Variants in GPATCH2 observed in about 807,000 individuals in gnomAD.
GPATCH2 encodes G-patch domain containing 2, also known as G patch domain-containing protein 2.
A neutral mutation model predicts 58.0 loss-of-function variants in GPATCH2; 51 were observed. The observed-to-expected ratio is 0.88, with a 90% CI of 0.70 to 1.11. The LOEUF (loss-of-function observed/expected upper bound fraction) is 1.11. Among genes scored for constraint, GPATCH2 ranks in the 50% most tolerant of loss-of-function variants. The probability of loss-of-function intolerance (pLI) is 0.00; values close to 1 mark genes in which losing one functional copy is unlikely to be tolerated. For missense variants in GPATCH2, 625 were observed against 652.2 expected, an observed-to-expected ratio of 0.96 and a Z score of 0.45; for synonymous variants, 222 against 218.5, an observed-to-expected ratio of 1.02 and a Z score of -0.14.
At chr1:217,476,588 A>G (rs1383447864) in intron 8 of GPATCH2, among the ~76,000 whole-genome samples, 1 of 152,030 alleles carries the variant, frequency 6.6e-6, no homozygotes, top group Non-Finnish European at 1.5e-5. Context: ...GAGCACAGCA[A>G]TTGTGAGGCA....
chr1:217,568,232 T>C (rs1300447442), intron 5 of GPATCH2, among the ~76,000 whole-genome samples: 3 of 152,074 alleles, frequency 2.0e-5, no homozygotes, highest in African/African-American at 7.2e-5. Flanking sequence ...TATGCAACCA[T>C]TAAAATGTAT....
At chr1:217,503,569 T>C (rs1476105215) in intron 6 of GPATCH2, among the ~76,000 whole-genome samples, 1 of 152,142 alleles carries the variant, frequency 6.6e-6, no homozygotes, top group East Asian at 1.9e-4. Context: ...TGAAAGTATA[T>C]TTGGATAAGT....
chr1:217,598,845 T>C (rs895901481), intron 5 of GPATCH2, among the ~76,000 whole-genome samples: 3 of 152,212 alleles, frequency 2.0e-5, no homozygotes, highest in African/African-American at 7.2e-5. Flanking sequence ...ACTCCCATCA[T>C]TGGGTAGACA....
At chr1:217,577,825 G>A (rs1473031699) in intron 5 of GPATCH2, among the ~76,000 whole-genome samples, 1 of 151,910 alleles carries the variant, frequency 6.6e-6, no homozygotes, top group Non-Finnish European at 1.5e-5. Flanking sequence ...TCAGCTCATC[G>A]CAACCTCCGC....
chr1:217,445,626 G>A (rs1372040477), intron 9 of GPATCH2, among the ~76,000 whole-genome samples: 2 of 151,904 alleles, frequency 1.3e-5, no homozygotes, highest in Non-Finnish European at 1.5e-5. Flanking sequence ...TTTGAATGAC[G>A]CAGAGAACAA....
chr1:217,614,774 C>CAAAAAA (rs11475032), intron 2 of GPATCH2, among the ~76,000 whole-genome samples: 1 of 92,052 alleles, frequency 1.1e-5, no homozygotes, highest in African/African-American at 3.8e-5. Context: ...CACTTTTAAG[C>CAAAAAA]AAAAAAAAAA....
chr1:217,444,383 T>C (rs114535668), intron 9 of GPATCH2, among the ~76,000 whole-genome samples: 2,220 of 152,264 alleles, frequency 0.015, 19 homozygotes, highest in Middle Eastern at 0.054. Flanking sequence ...CTCAGGGCCA[T>C]TTTGGTCTTG....
chr1:217,589,835 TACAA>T (rs971959518), intron 5 of GPATCH2, among the ~76,000 whole-genome samples: 2 of 152,124 alleles, frequency 1.3e-5, no homozygotes, highest in Non-Finnish European at 2.9e-5. Context: ...AGTCCACCAA[TACAA>T]ACAGACAGGG....
At chr1:217,546,641 T>C (rs1296639412) in intron 5 of GPATCH2, among the ~76,000 whole-genome samples, 2 of 152,068 alleles carry the variant, frequency 1.3e-5, no homozygotes, top group Non-Finnish European at 2.9e-5. Context: ...ACCCAAAACA[T>C]AAAAACTCTG....
chr1:217,489,037 C>T (rs1042170915), intron 8 of GPATCH2, among the ~76,000 whole-genome samples: 1 of 151,256 alleles, frequency 6.6e-6, no homozygotes, highest in Non-Finnish European at 1.5e-5. Flanking sequence ...GTGTATGATT[C>T]AATTGTCTAA....
chr1:217,475,888 C>G (rs1660944943), intron 8 of GPATCH2, among the ~76,000 whole-genome samples: 1 of 151,830 alleles, frequency 6.6e-6, no homozygotes, highest in Non-Finnish European at 1.5e-5. Flanking sequence ...AAATCCCACA[C>G]AGGGGATATA....
At chr1:217,600,737 G>A (rs866533270) in intron 5 of GPATCH2, among the ~76,000 whole-genome samples, 46 of 152,118 alleles carry the variant, frequency 3.0e-4, no homozygotes, top group African/African-American at 1.1e-3. Flanking sequence ...CTAAAAAAAG[G>A]TGTTGCATCT....
Position 217,620,350 on chromosome 1 carries a change from C to T in GPATCH2, c.206G>A (p.Arg69Lys), listed in dbSNP as rs1173377125. The T allele has an allele frequency of 6.2e-7, 1 of 1,614,012 alleles. No individual in the cohort carries two copies. The highest frequency in any genetic ancestry group is 1.3e-5 in the African/African-American group (1 of 74,914). Reference protein sequence around the residue: ...CPLKRQARKRRGRKRRSYNVH... With the variant: ...CPLKRQARKRKGRKRRSYNVH... ...ATTATACGACCTCCGTTTTCTCCCTCTCCTTTTCCTTGCCTGGCGTTTCAG... is the reference window on the plus strand; with the variant it reads ...ATTATACGACCTCCGTTTTCTCCCTTTCCTTTTCCTTGCCTGGCGTTTCAG... Residue 69 changes from arginine to lysine, a missense_variant, in exon 2 of 10, where the codon AGA (arginine) becomes AAA (lysine). Physicochemically the swap from Arg to Lys is conservative, Grantham distance 26. Coordinates refer to ENST00000366935, the MANE Select transcript of GPATCH2 (RefSeq NM_018040.5).
intron 8 of GPATCH2, among the ~76,000 whole-genome samples, chr1:217,452,547 A>G (rs1018092990): frequency 6.6e-6 from 1 of 152,174 alleles, no homozygotes; most frequent in Non-Finnish European, 1.5e-5. Flanking sequence ...GCTTAAAAAT[A>G]ACTCTCCCAA....
intron 5 of GPATCH2, among the ~76,000 whole-genome samples, chr1:217,563,068 T>C (rs1285416981): frequency 6.6e-6 from 1 of 152,226 alleles, no homozygotes; most frequent in African/African-American, 2.4e-5. Flanking sequence ...AAGTACCCAG[T>C]TGTCTGATAT....
intron 8 of GPATCH2, among the ~76,000 whole-genome samples, chr1:217,466,771 C>CT (rs1660472761): frequency 6.6e-6 from 1 of 151,706 alleles, no homozygotes; most frequent in South Asian, 2.1e-4. Context: ...GTATACCAGA[C>CT]TGAGAATGAG....
intron 8 of GPATCH2, among the ~76,000 whole-genome samples, chr1:217,489,451 T>C (rs533207081): frequency 5.6e-4 from 86 of 152,378 alleles, no homozygotes; most frequent in African/African-American, 2.0e-3. Context: ...CATTGGACTT[T>C]AACTATAATC....
At chr1:217,433,435 T>C (rs1041858706) in intron 9 of GPATCH2, among the ~76,000 whole-genome samples, 1 of 150,494 alleles carries the variant, frequency 6.6e-6, no homozygotes, top group South Asian at 2.1e-4. Context: ...CTCACTCTGT[T>C]GCCCAGGCCA....
chr1:217,465,100 G>GA (rs796846924), intron 8 of GPATCH2, among the ~76,000 whole-genome samples: 16 of 151,570 alleles, frequency 1.1e-4, no homozygotes, highest in African/African-American at 3.9e-4. Context: ...GAAATAAAAG[G>GA]AAAAAAATCA....
Sources: allele counts gnomAD v4.1 joint callset (sites outside exome capture counted in the v4.1 genomes callset), GRCh38; gene constraint gnomAD v4.1.1; transcripts MANE v1.5; gene names NCBI Gene and HGNC (gene_info 2026-07-23, HGNC 2026-07-21).